GRM7: variants seen among roughly 807,000 people sequenced by gnomAD.
The protein encoded by GRM7 is metabotropic glutamate receptor 7.
GRM7 carries 35 observed loss-of-function variants against 84.5 expected under a neutral mutation model. The ratio of observed to expected loss-of-function variants is 0.41; its 90% confidence interval spans 0.32 to 0.55. The LOEUF is 0.55. Among genes scored for constraint, GRM7 ranks in the 20% least tolerant of loss-of-function variants. GRM7 has a pLI of 0.19. For synonymous variants in GRM7, 487 were observed against 455.1 expected, an observed-to-expected ratio of 1.07 and a Z score of -0.89; for missense variants, 1,003 against 1,194.6, an observed-to-expected ratio of 0.84 and a Z score of 2.36.
intron 1 of GRM7, among the ~76,000 whole-genome samples, chr3:7,086,883 C>T (rs1458568381): frequency 1.3e-5 from 2 of 152,188 alleles, no homozygotes; most frequent in Non-Finnish European, 1.5e-5. Context: ...TGGCTGTTGG[C>T]TATAGTCAAA....
chr3:7,282,941 C>T (rs995870700), intron 2 of GRM7, among the ~76,000 whole-genome samples: 7 of 152,204 alleles, frequency 4.6e-5, no homozygotes, highest in East Asian at 1.9e-4. Flanking sequence ...GTGGAGCCCT[C>T]GGCTTCGAGA....
intron 7 of GRM7, among the ~76,000 whole-genome samples, chr3:7,539,424 C>G (rs915767303): frequency 6.6e-6 from 1 of 152,258 alleles, no homozygotes; most frequent in Middle Eastern, 3.4e-3. Flanking sequence ...CGCCTGTAAT[C>G]CCAGCACTTT....
At chr3:7,443,034 C>T (rs756754683) in intron 5 of GRM7, among the ~76,000 whole-genome samples, 6 of 150,782 alleles carry the variant, frequency 4.0e-5, no homozygotes, top group Non-Finnish European at 8.9e-5. Flanking sequence ...TCTTTTCCAT[C>T]CTCCTCCTCC....
chr3:7,090,259 G>C (rs1409998243), intron 1 of GRM7, among the ~76,000 whole-genome samples: 1 of 152,156 alleles, frequency 6.6e-6, no homozygotes, highest in Non-Finnish European at 1.5e-5. Flanking sequence ...GAGGATTTGG[G>C]TATTTGTTTG....
chr3:7,080,348 T>C (rs114690037), intron 1 of GRM7, among the ~76,000 whole-genome samples: 1,530 of 152,172 alleles, frequency 0.01, 8 homozygotes, highest in South Asian at 0.016. Flanking sequence ...GTCTCCTCGC[T>C]GTGTACTCTT....
intron 1 of GRM7, among the ~76,000 whole-genome samples, chr3:6,874,366 C>T (rs1220442280): frequency 6.6e-6 from 1 of 152,074 alleles, no homozygotes; most frequent in African/African-American, 2.4e-5. Flanking sequence ...CTCAGGAGCC[C>T]AGAAGTCTTT....
chr3:7,251,162 A>C (rs1371135656), intron 2 of GRM7, among the ~76,000 whole-genome samples: 1 of 152,162 alleles, frequency 6.6e-6, no homozygotes, highest in Non-Finnish European at 1.5e-5. Context: ...ATATTACGTG[A>C]TTAAGTATTC....
chr3:7,487,275 GTC>G (rs1699356418), intron 7 of GRM7, among the ~76,000 whole-genome samples: 1 of 152,162 alleles, frequency 6.6e-6, no homozygotes, highest in African/African-American at 2.4e-5. Context: ...GGAAAGCAGA[GTC>G]TGAAAATTTG....
chr3:7,622,696 T>C (rs1697416222), intron 8 of GRM7, among the ~76,000 whole-genome samples: 1 of 152,068 alleles, frequency 6.6e-6, no homozygotes. Context: ...AGGAACTGGT[T>C]AAACAGTATG....
intron 8 of GRM7, among the ~76,000 whole-genome samples, chr3:7,661,977 G>C (rs1449729714): frequency 6.6e-6 from 1 of 151,758 alleles, no homozygotes; most frequent in Non-Finnish European, 1.5e-5. Context: ...AGTGACAGTA[G>C]TTGCCAAAAC....
intron 9 of GRM7, among the ~76,000 whole-genome samples, chr3:7,707,930 ATTTTTTTTT>A: frequency 8.1e-6 from 1 of 123,688 alleles, no homozygotes; most frequent in East Asian, 2.3e-4. Context: ...GAAGCTTTCA[ATTTTTTTTT>A]TTTTTTTTTT....
chr3:7,041,057 G>T (rs1696588920), intron 1 of GRM7, among the ~76,000 whole-genome samples: 1 of 148,770 alleles, frequency 6.7e-6, no homozygotes, highest in African/African-American at 2.5e-5. Flanking sequence ...TCCAGCCTGG[G>T]TGACAGAGTG....
In GRM7 at chr3:6,983,182, G is replaced by A. The variant is rs1241988737; in HGVS notation, c.519+121275G>A. Reference sequence around the variant, plus strand: ...AAAGCAACATAGGCTGGAAAATTTAGGCACAACCACAAACTACTAAAAGGC... The same window carrying A: ...AAAGCAACATAGGCTGGAAAATTTAAGCACAACCACAAACTACTAAAAGGC... On this transcript the variant is annotated intron_variant, in intron 1 of 9. Coordinates refer to ENST00000357716, the MANE Select transcript of GRM7 (RefSeq NM_000844.4). Among the ~76,000 whole-genome samples, 3 of 152,128 alleles carry A rather than the reference G, an allele frequency of 2.0e-5. No homozygotes were observed. In the East Asian group the frequency reaches 5.8e-4, roughly 29 times the overall value.
chr3:6,935,510 G>A (rs1697656668), intron 1 of GRM7, among the ~76,000 whole-genome samples: 1 of 151,562 alleles, frequency 6.6e-6, no homozygotes, highest in Non-Finnish European at 1.5e-5. Context: ...CTGGTTTATT[G>A]CCCCTCAAGG....
intron 1 of GRM7, among the ~76,000 whole-genome samples, chr3:7,016,368 C>T (rs1041154924): frequency 6.6e-5 from 10 of 152,086 alleles, no homozygotes; most frequent in African/African-American, 1.4e-4. Context: ...GTTTGAAATC[C>T]GTCTTTCCCA....
intron 1 of GRM7, among the ~76,000 whole-genome samples, chr3:6,888,973 A>G (rs1478666461): frequency 6.6e-6 from 1 of 151,902 alleles, no homozygotes; most frequent in Non-Finnish European, 1.5e-5. Context: ...ATTCCTAGGT[A>G]TTTTATTCTC....
chr3:7,526,840 G>T (rs545382347), intron 7 of GRM7, among the ~76,000 whole-genome samples: 133 of 151,994 alleles, frequency 8.8e-4, no homozygotes, highest in Non-Finnish European at 1.4e-3. Flanking sequence ...GATTGTAGGT[G>T]TGTGGCTTTT....
intron 1 of GRM7, among the ~76,000 whole-genome samples, chr3:7,103,738 T>C (rs1424613938): frequency 3.5e-5 from 5 of 142,742 alleles, no homozygotes; most frequent in South Asian, 2.2e-4. Context: ...CTTTTTCTCT[T>C]TCTCTCTCTC....
At chr3:7,135,391 G>A (rs1693739471) in intron 1 of GRM7, among the ~76,000 whole-genome samples, 1 of 152,126 alleles carries the variant, frequency 6.6e-6, no homozygotes, top group African/African-American at 2.4e-5. Flanking sequence ...GCCCCACTGG[G>A]AGTTCATTAA....
Sources: gnomAD v4.1 joint callset for allele counts (sites outside exome capture counted in the v4.1 genomes callset) on GRCh38, gnomAD v4.1.1 for gene constraint, MANE v1.5 for transcripts, NCBI Gene and HGNC (gene_info 2026-07-23, HGNC 2026-07-21) for gene names.